Variants in C3orf18 observed in about 807,000 individuals in gnomAD.
The protein encoded by C3orf18 is chromosome 3 open reading frame 18, also known as uncharacterized protein C3orf18.
A neutral mutation model predicts 14.1 loss-of-function variants in C3orf18; 12 were observed. That is an observed-to-expected ratio of 0.85 (90% CI 0.55 to 1.38). C3orf18 has a LOEUF of 1.38. Among genes scored for constraint, C3orf18 ranks in the 40% most tolerant of loss-of-function variants. C3orf18 has a pLI of 0.00. For missense variants in C3orf18, 196 were observed against 213.9 expected (o/e 0.92, Z 0.52); for synonymous variants, 82 against 87.9 (o/e 0.93, Z 0.38).
chr3:50,567,355 CT>C (rs1277659595), intron 1 of C3orf18, 107 bp downstream of exon 1: 1 of 152,440 alleles, frequency 6.6e-6, no homozygotes, highest in Non-Finnish European at 1.5e-5. Flanking sequence ...AACCCGCATG[CT>C]GTTCTCCACC....
intron 4 of C3orf18, among the ~76,000 whole-genome samples, chr3:50,561,364 A>G (rs866296762): frequency 6.6e-6 from 1 of 152,086 alleles, no homozygotes; most frequent in Non-Finnish European, 1.5e-5. Context: ...TGTAATCCAC[A>G]GCGTCTGAGT....
At chr3:50,568,750 A>G (rs1700563276), upstream of C3orf18, among the ~76,000 whole-genome samples, 1 of 152,022 alleles carries the variant, frequency 6.6e-6, no homozygotes, top group Admixed American at 6.5e-5. Flanking sequence ...AAAAAAAGAA[A>G]AAAAGAAAAA....
At chr3:50,570,846 G>T (rs940739105), upstream of C3orf18, 2 of 387,226 alleles carry the variant, frequency 5.2e-6, no homozygotes, top group Non-Finnish European at 9.3e-6. Flanking sequence ...CAGAGCAAGA[G>T]CACAACTATT....
upstream of C3orf18, chr3:50,570,649 C>T (rs190778866): frequency 3.9e-5 from 6 of 154,292 alleles, no homozygotes; most frequent in South Asian, 2.0e-4. Flanking sequence ...AGATCACACA[C>T]GCTAGGTTAG....
chr3:50,570,981 C>T, upstream of C3orf18: 1 of 677,536 alleles, frequency 1.5e-6, no homozygotes, highest in East Asian at 2.9e-5. Context: ...GGCACCAGAG[C>T]TTGTGACCTC....
chr3:50,572,253 G>A (rs1433291752), upstream of C3orf18: 1 of 1,571,928 alleles, frequency 6.4e-7, no homozygotes, highest in Non-Finnish European at 8.7e-7. Flanking sequence ...TGATGGTGGA[G>A]TTCAGGGCAC....
At chr3:50,571,824 T>C (rs374655058), upstream of C3orf18, 23 of 1,604,098 alleles carry the variant, frequency 1.4e-5, no homozygotes, top group African/African-American at 3.1e-4. Flanking sequence ...GGATCAGACC[T>C]GAAGGATGTG....
At chr3:50,572,646 C>A (rs956226783), upstream of C3orf18, among the ~76,000 whole-genome samples, 7 of 152,206 alleles carry the variant, frequency 4.6e-5, no homozygotes, top group Non-Finnish European at 1.0e-4. Flanking sequence ...GGTCACTGCC[C>A]TCCTGCCATC....
intron 1 of C3orf18, among the ~76,000 whole-genome samples, chr3:50,566,801 C>A (rs1700331768): frequency 6.6e-6 from 1 of 152,152 alleles, no homozygotes; most frequent in Non-Finnish European, 1.5e-5. Flanking sequence ...GCCTTCTCTT[C>A]CTTTACCCTC....
At chr3:50,572,042 G>T (rs375977948), upstream of C3orf18, 1 of 1,599,616 alleles carries the variant, frequency 6.3e-7, no homozygotes. Context: ...GCCACAAGTG[G>T]TATCTCAACC....
chr3:50,570,955 AC>A (rs1310447785), upstream of C3orf18: 1 of 559,656 alleles, frequency 1.8e-6, no homozygotes, highest in Non-Finnish European at 3.1e-6. Context: ...ATATCTGAGG[AC>A]CAGAGCCATT....
In C3orf18 at chr3:50,559,133, A is replaced by G. The variant is rs778515551; in HGVS notation, c.*524T>C. The G allele has an allele frequency of 3.1e-6, 4 of 1,289,730 alleles. No homozygotes were observed. Among genetic ancestry groups the G allele is most frequent in the African/African-American group, 1.5e-5 (1 of 65,856 alleles). 79.9% of individuals were successfully genotyped at this position (1,289,730 alleles called of 1,614,324 possible). A position where few individuals can be genotyped will look rare whatever the true frequency, so the allele number is the denominator to read the frequency against. On this transcript the variant is annotated 3_prime_UTR_variant, in exon 6 of 6. Coordinates refer to ENST00000357203, the MANE Select transcript of C3orf18 (RefSeq NM_016210.5). The stretch of plus-strand genomic sequence containing the variant: ...CTCCTGGCATCCTTGCATACTGGAC[A>G]GTTTCAGCTCCATCTCTGGGCTTCT...
rs1354460070 is a variant in C3orf18, at chr3:50,561,214, C to T, written c.261-150G>A. On this transcript the variant is annotated intron_variant, in intron 4 of 5. Coordinates refer to ENST00000357203, the MANE Select transcript of C3orf18 (RefSeq NM_016210.5). ...CCTTGAAATGGGAAAAAATGACAGA[C>T]ATTTTTGCACCTATAGTACCAGCTC... is the stretch of plus-strand genomic sequence containing the variant. 4.6e-6 allele frequency: 4 copies of T among 868,394 alleles called. No individual in the cohort carries two copies. In the African/African-American group the frequency reaches 6.8e-5, roughly 15 times the overall value. 53.8% of individuals were successfully genotyped at this position (868,394 alleles called of 1,614,324 possible).
chr3:50,570,898 C>T (rs948067082), upstream of C3orf18: 12 of 477,352 alleles, frequency 2.5e-5, no homozygotes, highest in African/African-American at 2.2e-4. Flanking sequence ...TCATACAAGG[C>T]TCACCTGCTT....
At chr3:50,572,454 G>A (rs748580065), upstream of C3orf18, among the ~76,000 whole-genome samples, 29 of 152,238 alleles carry the variant, frequency 1.9e-4, no homozygotes, top group Non-Finnish European at 2.9e-4. Context: ...GGCCCAGAGT[G>A]CCTCAAATAG....
At position 50,565,865 on chromosome 3, in the gene C3orf18, G is replaced by A. The variant is rs1700261791; in HGVS notation, c.-162-4C>T. 1 of 601,598 alleles carries A rather than the reference G, an allele frequency of 1.7e-6. No individual in the cohort carries two copies. The highest frequency in any genetic ancestry group is 2.9e-5 in the Admixed American group (1 of 33,970). The allele number at this position is 601,598 out of a possible 1,614,324, so 37.3% of individuals were successfully genotyped here. A position where few individuals can be genotyped will look rare whatever the true frequency, so the allele number is the denominator to read the frequency against. On this transcript the variant is annotated splice_region_variant and splice_polypyrimidine_tract_variant and intron_variant, in intron 2 of 5. Transcript: ENST00000357203. This position sits in a 1 kb window ranked among gnomAD's most constrained non-coding sequence, Gnocchi z 4.4. ...GAGCCCCCTGCCTTCCTGGGTGCTA[G>A]AAAGGAAAGAATAAGAAACATGAGG...
At position 50,567,689 on chromosome 3, in the gene C3orf18, G is replaced by T. The variant is rs560161639; in HGVS notation, c.-478C>A. 1.3e-5 allele frequency: 2 copies of T among 152,268 alleles called. No individual in the cohort carries two copies. The highest frequency in any genetic ancestry group is 4.8e-5 in the African/African-American group (2 of 41,466). The allele number at this position is 152,268 out of a possible 1,614,324, so 9.4% of individuals were successfully genotyped here. The stretch of plus-strand genomic sequence containing the variant: ...CCTGAGCTAGGGTGGGTAGGGCCGG[G>T]ACCCACGGCGGAGGTGGGGCCGGGC... On this transcript the variant is annotated 5_prime_UTR_variant, in exon 1 of 6. Coordinates refer to ENST00000357203, the MANE Select transcript of C3orf18 (RefSeq NM_016210.5).
intron 5 of C3orf18, among the ~76,000 whole-genome samples, chr3:50,560,585 G>T (rs1454706342): frequency 6.6e-6 from 1 of 152,200 alleles, no homozygotes; most frequent in Admixed American, 6.5e-5. Flanking sequence ...TAACCAGTAC[G>T]TGGGGGCACA....
At chr3:50,567,076 G>A (rs1700351057) in intron 1 of C3orf18, among the ~76,000 whole-genome samples, 1 of 152,180 alleles carries the variant, frequency 6.6e-6, no homozygotes, top group South Asian at 2.1e-4. Context: ...GGGTTATGGG[G>A]TAGAAAGGCT....
Sources: gnomAD v4.1 joint callset for allele counts (sites outside exome capture counted in the v4.1 genomes callset) on GRCh38, gnomAD v4.1.1 for gene constraint, Gnocchi (gnomAD v3.1) non-coding constraint, MANE v1.5 for transcripts, NCBI Gene and HGNC (gene_info 2026-07-23, HGNC 2026-07-21) for gene names.